The following MOV10 variants were observed in gnomAD, a reference collection of about 807,000 sequenced individuals.
The protein encoded by MOV10 is RNA helicase MOV-10.
A neutral mutation model predicts 108.4 loss-of-function variants in MOV10; 39 were observed. That is an observed-to-expected ratio of 0.36 (90% CI 0.28 to 0.47). MOV10 has a LOEUF of 0.47. MOV10 is among the 20% of genes least tolerant of loss of function. The pLI is 1.00. For missense variants in MOV10, 952 were observed against 1,297.6 expected (o/e 0.73, Z 4.09); for synonymous variants, 490 against 523.1 (o/e 0.94, Z 0.86).
intron 2 of MOV10, among the ~76,000 whole-genome samples, chr1:112,678,036 A>T (rs1040900801): frequency 5.9e-5 from 9 of 152,122 alleles, no homozygotes; most frequent in African/African-American, 1.5e-4. Context: ...ATACAGTAGT[A>T]TAGGTGCTAG....
At chr1:112,674,821 C>G in intron 1 of MOV10, 27 bp from the exon 2 acceptor site, 2 of 1,348,396 alleles carry the variant, frequency 1.5e-6, no homozygotes, top group Non-Finnish European at 2.0e-6. Context: ...CCTGCTGCAC[C>G]CTCATCTCAG....
In MOV10 at chr1:112,699,772, G is replaced by A. The variant is rs114634769; in HGVS notation, c.2671G>A (p.Asp891Asn). 1 of 1,614,238 alleles carries A rather than the reference G, an allele frequency of 6.2e-7. No homozygotes were observed. Among genetic ancestry groups the A allele is most frequent in the East Asian group, 2.2e-5 (1 of 44,882 alleles). The change falls in exon 18 of 21, where the codon GAT (aspartate) becomes AAT (asparagine). Residue 891 changes from aspartate (D) to asparagine (N), a missense_variant. Asp to Asn is a conservative substitution (Grantham distance 23). This residue lies in a region of MOV10 where 65 missense variants were observed against 124.3 expected (regional missense o/e 0.52). Coordinates refer to ENST00000369645, the MANE Select transcript of MOV10 (RefSeq NM_001321324.2). ...AAGCAGCCAGAGCTTTGTGCAGCTG[G>A]ATCTGGACTTTAATCTGGGTTTCCT... Reference protein sequence around the residue: ...VRSSQSFVQLDLDFNLGFLKN... With the variant: ...VRSSQSFVQLNLDFNLGFLKN...
chr1:112,680,820 A>G (rs1672590966), intron 2 of MOV10, among the ~76,000 whole-genome samples: 2 of 148,120 alleles, frequency 1.4e-5, no homozygotes, highest in Admixed American at 6.8e-5. Context: ...CTCCTGCCTC[A>G]GCCTCCCACG....
At chr1:112,698,844 C>A (rs1174278425) in intron 17 of MOV10, 55 bp downstream of exon 17, 2 of 1,427,500 alleles carry the variant, frequency 1.4e-6, no homozygotes, top group Non-Finnish European at 9.9e-7. Flanking sequence ...CACTTGCCCA[C>A]TTCCAGAGAC....
chr1:112,691,701 G>A lies in MOV10; in HGVS notation c.873G>A (p.Leu291=), dbSNP rs774447567. The change falls in exon 6 of 21, where the codon CTG becomes CTA. Residue 291 remains leucine (L), a synonymous_variant. Transcript: ENST00000369645. The part of the protein sequence containing the change: ...KGYDLELSMA[L]GTYYPPPRLR... ...ATGACCTGGAGTTAAGTATGGCGCT[G>A]GGGACATACTACCCACCTCCCCGCC... 1 of 1,614,100 alleles carries A rather than the reference G, an allele frequency of 6.2e-7. No individual in the cohort carries two copies. Among genetic ancestry groups the A allele is most frequent in the East Asian group, 2.2e-5 (1 of 44,864 alleles).
Position 112,700,311 on chromosome 1 carries a change from G to GT in MOV10, c.2892dup (p.Leu965SerfsTer15). On this transcript the variant is annotated frameshift_variant, in exon 20 of 21. Coordinates refer to ENST00000369645, the MANE Select transcript of MOV10 (RefSeq NM_001321324.2). LOFTEE classifies it high-confidence loss of function. ...CAACAGGGACAGAATTTACTGCAAG[G>GT]TCTGAGCAAGCTCAGCCCCTCTACC... The GT allele has an allele frequency of 6.2e-7, 1 of 1,614,192 alleles. No homozygotes were observed. The highest frequency in any genetic ancestry group is 8.5e-7 in the Non-Finnish European group (1 of 1,180,030).
At chr1:112,698,522 A>G (rs376262256) in intron 16 of MOV10, 44 bp downstream of exon 16, 15 of 1,585,750 alleles carry the variant, frequency 9.5e-6, no homozygotes, top group African/African-American at 1.3e-5. Flanking sequence ...CCTCCCCCAG[A>G]TGGTACCTCC....
At chr1:112,683,117 A>G (rs982094201) in intron 2 of MOV10, among the ~76,000 whole-genome samples, 3 of 149,814 alleles carry the variant, frequency 2.0e-5, no homozygotes, top group Admixed American at 6.7e-5. Flanking sequence ...ACGGGGTTTC[A>G]CTGTGTTTGC....
In MOV10 at chr1:112,683,086, AT is replaced by A. The variant is rs568584382; in HGVS notation, c.138-5835del. On this transcript the variant is annotated intron_variant, in intron 2 of 20. Coordinates refer to ENST00000369645, the MANE Select transcript of MOV10 (RefSeq NM_001321324.2). ...AGGTGCCTGCCACAACGCCTGGCTA[AT>A]TTTTTTTTTTTTTGTAGAGACGGGG... Among the ~76,000 whole-genome samples the A allele has an allele frequency of 4.3e-3, 618 of 144,136 alleles. 1 individual carries two copies. The highest frequency in any genetic ancestry group is 7.3e-3 in the African/African-American group (288 of 39,464). 94.6% of individuals were successfully genotyped at this position (144,136 alleles called of 152,430 possible). A position where few individuals can be genotyped will look rare whatever the true frequency, so the allele number is the denominator to read the frequency against.
Position 112,689,076 on chromosome 1 carries a change from G to T in MOV10, c.279G>T (p.Met93Ile). The change falls in exon 3 of 21, where the codon ATG becomes ATT. Residue 93 changes from methionine to isoleucine, a missense_variant. By Grantham distance (10) the Met-to-Ile change is conservative. Coordinates refer to ENST00000369645, the MANE Select transcript of MOV10 (RefSeq NM_001321324.2). ...ADVRFPEKRRMKLGSDISKHH... is the reference protein window; with the variant it reads ...ADVRFPEKRRIKLGSDISKHH... ...TGCGGTTCCCAGAAAAGAGGAGAAT[G>T]AAGCTGGGGTCAGATATCAGCAAAC... The T allele has an allele frequency of 6.2e-7, 1 of 1,612,452 alleles. No individual in the cohort carries two copies. The highest frequency in any genetic ancestry group is 8.5e-7 in the Non-Finnish European group (1 of 1,180,008).
chr1:112,689,740 G>A (rs888917957), intron 4 of MOV10, 90 bp downstream of exon 4: 2 of 1,581,410 alleles, frequency 1.3e-6, no homozygotes, highest in East Asian at 4.5e-5. Context: ...CACTGTCCAT[G>A]GGACTCTTGC....
intron 17 of MOV10, 159 bp from the exon 18 acceptor site, chr1:112,699,526 C>A: frequency 6.8e-7 from 1 of 1,471,910 alleles, no homozygotes. Flanking sequence ...GCCTACCTCC[C>A]ATCCCCTTTC....
intron 2 of MOV10, among the ~76,000 whole-genome samples, chr1:112,678,430 T>C (rs1240676825): frequency 1.3e-5 from 2 of 152,088 alleles, no homozygotes; most frequent in Non-Finnish European, 2.9e-5. Flanking sequence ...GGAACCCAAC[T>C]AACTAAGGAA....
Position 112,698,736 on chromosome 1 carries a change from A to G in MOV10, c.2530A>G (p.Ile844Val), listed in dbSNP as rs1291872039. 8 of 1,614,186 alleles carry G rather than the reference A, an allele frequency of 5.0e-6. No individual in the cohort carries two copies. Among genetic ancestry groups the G allele is most frequent in the Admixed American group, 1.7e-5 (1 of 60,024 alleles). Residue 844 changes from isoleucine to valine, a missense_variant, in exon 17 of 21, where the codon ATC becomes GTC. Ile to Val is a conservative substitution (Grantham distance 29). Around this residue, in one of 5 missense-constraint regions of MOV10, gnomAD observed 453 missense variants for 611.5 expected, o/e 0.74. Coordinates refer to ENST00000369645, the MANE Select transcript of MOV10 (RefSeq NM_001321324.2). ...CCAGGTGGAGAAAATCCGTTACTGC[A>G]TCACCAAACTTGACAGGGAGCTTCG... ...RKQVEKIRYC[I>V]TKLDRELRGL...
chr1:112,689,535 G>T lies in MOV10; in HGVS notation c.462G>T (p.Arg154Ser). Reference protein sequence around the residue: ...DLNRKEVLTLRLRNGGTQSVT... With the variant: ...DLNRKEVLTLSLRNGGTQSVT... ...ACCGCAAAGAGGTGCTGACCCTGAG[G>T]CTTCGGAATGGCGGAACCCAGTCTG... Residue 154 changes from arginine to serine, a missense_variant, in exon 4 of 21, where the codon AGG becomes AGT. Arg to Ser is a moderately radical substitution (Grantham distance 110, BLOSUM62 -1). This residue lies in a region of MOV10 where 374 missense variants were observed against 468.6 expected (regional missense o/e 0.80). Coordinates refer to ENST00000369645, the MANE Select transcript of MOV10 (RefSeq NM_001321324.2). 6.2e-7 allele frequency: 1 copy of T among 1,614,184 alleles called. No individual in the cohort carries two copies. The highest frequency in any genetic ancestry group is 2.2e-5 in the East Asian group (1 of 44,878).
chr1:112,690,876 C>A (rs1168834544), intron 5 of MOV10, among the ~76,000 whole-genome samples: 1 of 152,214 alleles, frequency 6.6e-6, no homozygotes, highest in Admixed American at 6.5e-5. Context: ...TCATCTACTT[C>A]CTGTCTCTGT....
rs1436567075 is a variant in MOV10, at chr1:112,700,204, C to T, written c.2799-15C>T. 2 of 1,613,810 alleles carry T rather than the reference C, an allele frequency of 1.2e-6. No individual in the cohort carries two copies. Among genetic ancestry groups the T allele is most frequent in the Non-Finnish European group, 1.7e-6 (2 of 1,179,874 alleles). On this transcript the variant is annotated splice_polypyrimidine_tract_variant and intron_variant, in intron 19 of 20. Coordinates refer to ENST00000369645, the MANE Select transcript of MOV10 (RefSeq NM_001321324.2). ...TAGCCTCCAGTCTCTGCTGGCACTCCTCTGTACCCCACAGATTCCTGGAGT... is the reference window on the plus strand; with the variant it reads ...TAGCCTCCAGTCTCTGCTGGCACTCTTCTGTACCCCACAGATTCCTGGAGT...
At chr1:112,686,471 C>G (rs899539446) in intron 2 of MOV10, among the ~76,000 whole-genome samples, 2 of 152,100 alleles carry the variant, frequency 1.3e-5, no homozygotes, top group African/African-American at 4.8e-5. Flanking sequence ...TCTTGTTTTC[C>G]CTTCCTCCCC....
At position 112,698,088 on chromosome 1, in the gene MOV10, C is replaced by G; in HGVS notation, c.2293C>G (p.Arg765Gly). ...ADVVDRERFC[R>G]WAGLPRQGFP... ...TGTCGTGGATCGAGAACGCTTCTGC[C>G]GCTGGGCGGGCCTACCTCGACAGGT... Residue 765 changes from arginine to glycine, a missense_variant, in exon 15 of 21, where the codon CGC becomes GGC. Around this residue, in one of 5 missense-constraint regions of MOV10, gnomAD observed 453 missense variants for 611.5 expected, o/e 0.74. Coordinates refer to ENST00000369645, the MANE Select transcript of MOV10 (RefSeq NM_001321324.2). 1 of 1,614,118 alleles carries G rather than the reference C, an allele frequency of 6.2e-7. No homozygotes were observed. Among genetic ancestry groups the G allele is most frequent in the Non-Finnish European group, 8.5e-7 (1 of 1,180,012 alleles).
Sources: allele counts gnomAD v4.1 joint callset (sites outside exome capture counted in the v4.1 genomes callset), GRCh38; gene constraint gnomAD v4.1.1; regional missense constraint gnomAD v4.1.1; transcripts MANE v1.5; gene names NCBI Gene and HGNC (gene_info 2026-07-23, HGNC 2026-07-21).